ARPC3: variants seen among roughly 807,000 people sequenced by gnomAD.
The protein encoded by ARPC3 is actin-related protein 2/3 complex subunit 3.
Under a neutral mutation model 27.6 loss-of-function variants are expected in ARPC3, and 12 were observed. The ratio of observed to expected loss-of-function variants is 0.43; its 90% CI spans 0.28 to 0.70. The LOEUF (loss-of-function observed/expected upper bound fraction) is 0.70, where lower values mean the gene tolerates loss of function less well. Ranked by LOEUF, ARPC3 falls within the 30% of genes least tolerant of loss-of-function variation. ARPC3 has a pLI of 0.17. For synonymous variants in ARPC3, 53 were observed against 67.2 expected (o/e 0.79, Z 1.03); for missense variants, 153 against 207.7 (o/e 0.74, Z 1.62).
intron 2 of ARPC3, among the ~76,000 whole-genome samples, chr12:110,443,556 C>A (rs1376181371): frequency 6.6e-6 from 1 of 152,200 alleles, no homozygotes; most frequent in Non-Finnish European, 1.5e-5. Flanking sequence ...TCTCAGCCTC[C>A]CATGTAGCTG....
intron 1 of ARPC3, among the ~76,000 whole-genome samples, chr12:110,448,570 C>A (rs970719685): frequency 2.0e-5 from 3 of 150,614 alleles, no homozygotes; most frequent in African/African-American, 7.4e-5. Flanking sequence ...CCCAGCTGCT[C>A]AGGAGGCTGA....
chr12:110,438,651 AT>A (rs780361423), intron 3 of ARPC3, among the ~76,000 whole-genome samples: 298 of 142,278 alleles, frequency 2.1e-3, no homozygotes, highest in East Asian at 0.011. Flanking sequence ...TTTCCTATAT[AT>A]TTTTTTTTTT....
chr12:110,436,699 T>TATATATAA lies in ARPC3; in HGVS notation c.253-17_253-16insTTATATAT. Reference sequence around the variant, plus strand: ...TGGAATTGCACTGGAAAAAAAAATATATATATATATATACACACACACACA... The same window carrying TATATATAA: ...TGGAATTGCACTGGAAAAAAAAATATATATATAAATATATATATATACACACACACACA... On this transcript the variant is annotated splice_polypyrimidine_tract_variant and intron_variant, in intron 4 of 6. Coordinates refer to ENST00000228825, the MANE Select transcript of ARPC3 (RefSeq NM_001278556.2). 1.6e-6 allele frequency: 1 copy of TATATATAA among 633,900 alleles called. No individual in the cohort carries two copies. The highest frequency in any genetic ancestry group is 3.3e-5 in the East Asian group (1 of 30,562). The allele number at this position is 633,900 out of a possible 1,614,324, so 39.3% of individuals were successfully genotyped here. A position where few individuals can be genotyped will look rare whatever the true frequency, so the allele number is the denominator to read the frequency against.
intron 2 of ARPC3, 141 bp from the exon 3 acceptor site, chr12:110,440,529 CAA>C (rs2062429439): frequency 1.5e-6 from 1 of 669,352 alleles, no homozygotes; most frequent in African/African-American, 1.8e-5. Flanking sequence ...TATTGAAATA[CAA>C]AGTTTTTAGA....
chr12:110,435,045 G>A lies in ARPC3; in HGVS notation c.*110C>T. On this transcript the variant is annotated 3_prime_UTR_variant, in exon 7 of 7. Transcript: ENST00000228825. ...TCAAGAGTTTTTCAAGTAAAGACAT[G>A]CTCTTCTCTCTTCTGTATAAAACTT... 2.4e-6 allele frequency: 2 copies of A among 842,814 alleles called. No homozygotes were observed. The highest frequency in any genetic ancestry group is 4.0e-6 in the Non-Finnish European group (2 of 494,040). The allele number at this position is 842,814 out of a possible 1,614,324, so 52.2% of individuals were successfully genotyped here.
At position 110,437,125 on chromosome 12, in the gene ARPC3, T is replaced by C. The variant is rs754374367; in HGVS notation, c.211A>G (p.Ile71Val). The C allele has an allele frequency of 2.5e-6, 4 of 1,602,446 alleles. No individual in the cohort carries two copies. Among genetic ancestry groups the C allele is most frequent in the East Asian group, 2.2e-5 (1 of 44,828 alleles). Residue 71 changes from isoleucine (I) to valine (V), a missense_variant, in exon 4 of 7, where the codon ATA (isoleucine) becomes GTA (valine). Ile to Val is a conservative substitution (Grantham distance 29). Transcript: ENST00000228825. ...KNEADRTLIY[I>V]TLYISECLKK... ...AGACATTCAGAAATGTAGAGAGTTA[T>C]ATATATCAAGGTCCTATCAGCTTCA...
chr12:110,444,241 G>GA (rs1235857425), intron 2 of ARPC3, among the ~76,000 whole-genome samples: 2 of 151,896 alleles, frequency 1.3e-5, no homozygotes, highest in Non-Finnish European at 1.5e-5. Context: ...AAAGTGCTGG[G>GA]ATTATAGGTG....
At position 110,445,467 on chromosome 12, in the gene ARPC3, G is replaced by A. The variant is rs2062459173; in HGVS notation, c.91C>T (p.Pro31Ser). 6.2e-7 allele frequency: 1 copy of A among 1,610,334 alleles called. No individual in the cohort carries two copies. Among genetic ancestry groups the A allele is most frequent in the Admixed American group, 1.7e-5 (1 of 59,976 alleles). ...LLPIRSQFKG[P>S]APRETKDTDI... ...TTAGACTTACTCTCTCTGGGGGCAGGTCCTTTGAATTGACTTCTGATAGGC... is the reference window on the plus strand; with the variant it reads ...TTAGACTTACTCTCTCTGGGGGCAGATCCTTTGAATTGACTTCTGATAGGC... Residue 31 changes from proline (P) to serine (S), a missense_variant, in exon 2 of 7, where the codon CCT becomes TCT. Pro to Ser is a moderately conservative substitution (Grantham distance 74). Coordinates refer to ENST00000228825, the MANE Select transcript of ARPC3 (RefSeq NM_001278556.2).
chr12:110,445,366 G>A, intron 2 of ARPC3, 86 bp downstream of exon 2: 1 of 1,071,128 alleles, frequency 9.3e-7, no homozygotes, highest in South Asian at 1.3e-5. Context: ...AGAGAAGACT[G>A]AGCTAAGAAT....
chr12:110,445,803 C>A (rs2062461199), intron 1 of ARPC3, among the ~76,000 whole-genome samples: 1 of 152,146 alleles, frequency 6.6e-6, no homozygotes, highest in Non-Finnish European at 1.5e-5. Flanking sequence ...TATAAACTTA[C>A]AATTAAGTAA....
intron 2 of ARPC3, chr12:110,440,642 G>A (rs1209126849): frequency 5.2e-6 from 2 of 384,866 alleles, no homozygotes; most frequent in Non-Finnish European, 9.8e-6. Context: ...TGCCTCCCGG[G>A]TTCACGCCAT....
intron 4 of ARPC3, 26 bp from the exon 5 acceptor site, chr12:110,436,709 TATACACACACACACACACACACACAC>T (rs2062407424): frequency 7.3e-6 from 4 of 546,290 alleles, no homozygotes; most frequent in East Asian, 3.3e-5. Flanking sequence ...TATATATATA[TATACACACACACACACACACACACAC>T]ACACACACAC....
intron 3 of ARPC3, 114 bp from the exon 4 acceptor site, chr12:110,437,266 C>A: frequency 1.3e-6 from 1 of 754,198 alleles, no homozygotes; most frequent in Non-Finnish European, 2.4e-6. Flanking sequence ...GGTAGGACAG[C>A]CACTATCACA....
chr12:110,437,884 A>T (rs2062414814), intron 3 of ARPC3, among the ~76,000 whole-genome samples: 1 of 152,230 alleles, frequency 6.6e-6, no homozygotes, highest in Non-Finnish European at 1.5e-5. Context: ...CAACTATTTC[A>T]CATTTGACTT....
chr12:110,436,768 A>G, intron 4 of ARPC3, 85 bp from the exon 5 acceptor site: 1 of 1,120,136 alleles, frequency 8.9e-7, no homozygotes, highest in Non-Finnish European at 1.3e-6. Flanking sequence ...TTTACAGGGA[A>G]AAGAAGAATT....
Position 110,436,707 on chromosome 12 carries a change from T to TAC in ARPC3, c.253-25_253-24insGT, listed in dbSNP as rs1456376142. 5.6e-5 allele frequency: 46 copies of TAC among 821,578 alleles called. No homozygotes were observed. In the African/African-American group the frequency reaches 6.3e-4, roughly 11 times the overall value. 50.9% of individuals were successfully genotyped at this position (821,578 alleles called of 1,614,324 possible). ...CACTGGAAAAAAAAATATATATATATATATACACACACACACACACACACA... is the reference window on the plus strand; with the variant it reads ...CACTGGAAAAAAAAATATATATATATACATATACACACACACACACACACACA... On this transcript the variant is annotated intron_variant, in intron 4 of 6. Coordinates refer to ENST00000228825, the MANE Select transcript of ARPC3 (RefSeq NM_001278556.2).
chr12:110,440,281 T>C lies in ARPC3; in HGVS notation c.183+31A>G, dbSNP rs769614621. On this transcript the variant is annotated intron_variant, in intron 3 of 6. Coordinates refer to ENST00000228825, the MANE Select transcript of ARPC3 (RefSeq NM_001278556.2). ...GTTGGTATTATCCCTATGAGAAAAC[T>C]AAGTTAAATATTAAAAGCTCCGTAA... 45 of 1,481,860 alleles carry C rather than the reference T, an allele frequency of 3.0e-5. No individual in the cohort carries two copies. The South Asian group carries it at 4.9e-4, about 16-fold the overall frequency. The allele number at this position is 1,481,860 out of a possible 1,614,324, so 91.8% of individuals were successfully genotyped here.
intron 1 of ARPC3, among the ~76,000 whole-genome samples, chr12:110,449,927 G>A (rs768430318): frequency 1.2e-4 from 18 of 152,164 alleles, no homozygotes; most frequent in Non-Finnish European, 1.3e-4. Context: ...CTTGAAATAT[G>A]AAAAATAAAA....
chr12:110,442,771 ATATACT>A (rs1210344670), intron 2 of ARPC3: 3 of 152,170 alleles, frequency 2.0e-5, no homozygotes, highest in Non-Finnish European at 4.4e-5. Context: ...ATGACTTAAA[ATATACT>A]TGTACAAGCT....
Sources: allele counts gnomAD v4.1 joint callset (sites outside exome capture counted in the v4.1 genomes callset), GRCh38; gene constraint gnomAD v4.1.1; transcripts MANE v1.5; gene names NCBI Gene and HGNC (gene_info 2026-07-23, HGNC 2026-07-21).